NRDE2: variants seen among roughly 807,000 people sequenced by gnomAD.
The protein encoded by NRDE2 is NRDE-2, necessary for RNA interference, domain containing, also known as nuclear exosome regulator NRDE2.
In NRDE2, 76 loss-of-function variants were observed where a neutral mutation model predicts 124.2. The ratio of observed to expected loss-of-function variants is 0.61; its 90% CI spans 0.51 to 0.74. The LOEUF (loss-of-function observed/expected upper bound fraction) is 0.74. NRDE2 is among the 30% of genes least tolerant of loss of function. The probability of loss-of-function intolerance (pLI) is 0.00; values close to 1 mark genes in which losing one functional copy is unlikely to be tolerated. For synonymous variants in NRDE2, 489 were observed against 528.1 expected, an observed-to-expected ratio of 0.93 and a Z score of 1.01; for missense variants, 1,314 against 1,417.3, an observed-to-expected ratio of 0.93 and a Z score of 1.17.
rs931810465 is a variant in NRDE2, at chr14:90,329,974, T to A, written c.64+1867A>T. Among the ~76,000 whole-genome samples the A allele has an allele frequency of 3.9e-4, 59 of 151,270 alleles. No homozygotes were observed. The East Asian group carries it at 5.1e-3, about 13-fold the overall frequency. ...GTAATCCCAGCACTTTGGGAGGCTATGGTGGGCGAATCACTTAAAGTTAGG... is the reference window on the plus strand; with the variant it reads ...GTAATCCCAGCACTTTGGGAGGCTAAGGTGGGCGAATCACTTAAAGTTAGG... On this transcript the variant is annotated intron_variant, in intron 1 of 13. Transcript: ENST00000354366.
rs1456712377 is a variant in NRDE2 at position 90,302,909 on chromosome 14, T to C, written c.1222A>G (p.Ile408Val). The change falls in exon 6 of 14, where the codon ATA (isoleucine) becomes GTA (valine). Residue 408 changes from isoleucine to valine, a missense_variant. Physicochemically the swap from Ile to Val is conservative, Grantham distance 29. Coordinates refer to ENST00000354366, the MANE Select transcript of NRDE2 (RefSeq NM_017970.4). ...STLVKEWQKL[I>V]FLHPNNTALW... ...GCTGTATTATTGGGATGCAAAAATA[T>C]CAGTTTCTGCCACTCTTTGACCAGA... is the stretch of plus-strand genomic sequence containing the variant. The C allele has an allele frequency of 1.2e-5, 19 of 1,613,960 alleles. No individual in the cohort carries two copies. The highest frequency in any genetic ancestry group is 1.6e-5 in the Non-Finnish European group (19 of 1,180,032).
rs371125912 is a variant in NRDE2, at chr14:90,316,562, G to C, written c.407+16C>G. The C allele has an allele frequency of 7.7e-6, 12 of 1,565,648 alleles. No homozygotes were observed. Among genetic ancestry groups the C allele is most frequent in the Non-Finnish European group, 8.7e-6 (10 of 1,144,990 alleles). On this transcript the variant is annotated intron_variant, in intron 3 of 13. Coordinates refer to ENST00000354366, the MANE Select transcript of NRDE2 (RefSeq NM_017970.4). ...AAGACTTAAAATATCATAGGTGCTT[G>C]AGAACAGCAACCTACTTCGGTTCCT... is the stretch of plus-strand genomic sequence containing the variant.
chr14:90,277,974 G>A lies in NRDE2; in HGVS notation c.*362C>T, dbSNP rs1005576470. 1.1e-5 allele frequency: 2 copies of A among 181,230 alleles called. No individual in the cohort carries two copies. The highest frequency in any genetic ancestry group is 5.5e-5 in the Admixed American group (1 of 18,024). 11.2% of individuals were successfully genotyped at this position (181,230 alleles called of 1,614,324 possible). On this transcript the variant is annotated 3_prime_UTR_variant, in exon 14 of 14. Transcript: ENST00000354366. ...AGAGAGGGCCTGGCAGGACCACCAC[G>A]ACACCAGCGGAGGGAACACATTCAC...
rs147078798 is a variant in NRDE2 at position 90,312,454 on chromosome 14, T to C, written c.497A>G (p.Asp166Gly). The change falls in exon 4 of 14, where the codon GAT (aspartate) becomes GGT (glycine). Residue 166 changes from aspartate to glycine, a missense_variant. Coordinates refer to ENST00000354366, the MANE Select transcript of NRDE2 (RefSeq NM_017970.4). ...CCAGTTCGCAGGATCTGGTTTCTTA[T>C]CTGTTCTGAAGGTTTCTCCCGTCAC... ...QAVTGETFRT[D>G]KKPDPANWEY... 5 of 1,614,156 alleles carry C rather than the reference T, an allele frequency of 3.1e-6. No homozygotes were observed. Among genetic ancestry groups the C allele is most frequent in the South Asian group, 2.2e-5 (2 of 91,076 alleles).
Position 90,303,982 on chromosome 14 carries a change from C to T in NRDE2, c.958G>A (p.Glu320Lys). The T allele has an allele frequency of 1.2e-6, 2 of 1,613,848 alleles. No individual in the cohort carries two copies. Among genetic ancestry groups the T allele is most frequent in the South Asian group, 2.2e-5 (2 of 91,062 alleles). Residue 320 changes from glutamate to lysine, a missense_variant, in exon 5 of 14, where the codon GAG (glutamate) becomes AAG (lysine). Coordinates refer to ENST00000354366, the MANE Select transcript of NRDE2 (RefSeq NM_017970.4). The part of the protein sequence containing the change: ...KVEEFNRRVR[E>K]NPRDTQLWMA... ...CACAGCTGCGTATCCCGAGGATTCT[C>T]CCGCACCCTCCTGTTAAACTCCTCC...
intron 12 of NRDE2, among the ~76,000 whole-genome samples, chr14:90,281,890 CAG>C (rs1891964150): frequency 6.6e-6 from 1 of 152,184 alleles, no homozygotes; most frequent in South Asian, 2.1e-4. Flanking sequence ...TGATAGAACT[CAG>C]GGGGATTCTT....
At chr14:90,292,601 T>A in intron 9 of NRDE2, 96 bp downstream of exon 9, 7 of 1,358,418 alleles carry the variant, frequency 5.2e-6, no homozygotes, top group Non-Finnish European at 7.1e-6. Flanking sequence ...CTAAGAGAGC[T>A]CCAGCGGCCT....
At chr14:90,286,246 C>T in intron 12 of NRDE2, 108 bp downstream of exon 12, 1 of 1,288,028 alleles carries the variant, frequency 7.8e-7, no homozygotes, top group Non-Finnish European at 1.1e-6. Context: ...AATATGGCCT[C>T]CCAGCTCTCC....
intron 12 of NRDE2, chr14:90,279,486 A>G (rs1891895668): frequency 9.9e-6 from 2 of 202,092 alleles, no homozygotes; most frequent in Admixed American, 6.0e-5. Flanking sequence ...GGCTGAAGAC[A>G]TTATACAAAT....
intron 1 of NRDE2, among the ~76,000 whole-genome samples, chr14:90,329,484 G>C (rs1885581264): frequency 6.6e-6 from 1 of 151,964 alleles, no homozygotes; most frequent in Non-Finnish European, 1.5e-5. Flanking sequence ...AGGATCACTT[G>C]AGCCCAGCAG....
At chr14:90,290,197 A>G (rs1892232405) in intron 10 of NRDE2, 24 bp downstream of exon 10, 3 of 1,603,192 alleles carry the variant, frequency 1.9e-6, no homozygotes, top group East Asian at 4.5e-5. Flanking sequence ...GTCCCCAAAC[A>G]TGGGAGGACG....
rs59264953 is a variant in NRDE2, at chr14:90,321,586, G to A, written c.65-3473C>T. On this transcript the variant is annotated intron_variant, in intron 1 of 13. Transcript: ENST00000354366. ...AAAAAAAAGAAAAGAAAAAAAGAAA[G>A]AAAGCTCTTGGGTTTTGAACATGAA... Among the ~76,000 whole-genome samples, 1,190 of 144,272 alleles carry A rather than the reference G, an allele frequency of 8.2e-3. 11 individuals carry two copies. Among genetic ancestry groups the A allele is most frequent in the African/African-American group, 0.028 (1,106 of 39,304 alleles). The allele number at this position is 144,272 out of a possible 152,430, so 94.6% of individuals were successfully genotyped here.
In NRDE2 at chr14:90,270,150, G is replaced by A; in HGVS notation, c.*8186C>T. ...GCTGAGGCCTCTGAGCCATGGCCGAGCCTGGGTTTGGATGTTGGTGTGACT... is the reference window on the plus strand; with the variant it reads ...GCTGAGGCCTCTGAGCCATGGCCGAACCTGGGTTTGGATGTTGGTGTGACT... On this transcript the variant is annotated 3_prime_UTR_variant, in exon 14 of 14. Coordinates refer to ENST00000354366, the MANE Select transcript of NRDE2 (RefSeq NM_017970.4). 3 of 1,597,576 alleles carry A rather than the reference G, an allele frequency of 1.9e-6. 1 individual carries two copies. The highest frequency in any genetic ancestry group is 1.3e-5 in the African/African-American group (1 of 74,844).
chr14:90,330,511 C>T (rs2139723887), intron 1 of NRDE2, among the ~76,000 whole-genome samples: 1 of 152,280 alleles, frequency 6.6e-6, no homozygotes, highest in East Asian at 1.9e-4. Flanking sequence ...CAAGAAATTA[C>T]TCACAATTAT....
chr14:90,298,430 G>A, intron 7 of NRDE2, 50 bp from the exon 8 acceptor site: 1 of 1,603,692 alleles, frequency 6.2e-7, no homozygotes, highest in Non-Finnish European at 8.5e-7. Context: ...TAAAACTGCT[G>A]AGTCAGTGGG....
At position 90,277,790 on chromosome 14, in the gene NRDE2, C is replaced by G. The variant is rs748306446; in HGVS notation, c.*546G>C. ...GGCACGCTGCCCCTCCAGCTCCAGG[C>G]GGAGGCATCGCCGCCGAGGTAAACT... is the stretch of plus-strand genomic sequence containing the variant. On this transcript the variant is annotated 3_prime_UTR_variant, in exon 14 of 14. Coordinates refer to ENST00000354366, the MANE Select transcript of NRDE2 (RefSeq NM_017970.4). 1.3e-5 allele frequency: 2 copies of G among 152,548 alleles called. No homozygotes were observed. Among genetic ancestry groups the G allele is most frequent in the East Asian group, 3.8e-4 (2 of 5,204 alleles). The allele number at this position is 152,548 out of a possible 1,614,324, so 9.4% of individuals were successfully genotyped here.
chr14:90,288,438 C>A lies in NRDE2; in HGVS notation c.2937G>T (p.Pro979=). The A allele has an allele frequency of 3.7e-6, 6 of 1,614,134 alleles. No individual in the cohort carries two copies. The highest frequency in any genetic ancestry group is 5.1e-6 in the Non-Finnish European group (6 of 1,180,036). Residue 979 remains proline (P), a synonymous_variant, in exon 11 of 14, where the codon CCG becomes CCT. Transcript: ENST00000354366. ...AGAGTGCCTCTCGCAGAGGGGCCAG[C>A]GGGTAAACACTCACTTTCATGTGGA... ...LRFHMKVSVY[P]LAPLREALSQ... is the part of the protein sequence containing the mutation.
In NRDE2 at chr14:90,268,553, C is replaced by T. The variant is rs368389491; in HGVS notation, c.*9783G>A. 112 of 779,202 alleles carry T rather than the reference C, an allele frequency of 1.4e-4. 1 individual carries two copies. The South Asian group carries it at 1.9e-3, about 13-fold the overall frequency. 48.3% of individuals were successfully genotyped at this position (779,202 alleles called of 1,614,324 possible). A position where few individuals can be genotyped will look rare whatever the true frequency, so the allele number is the denominator to read the frequency against. The stretch of plus-strand genomic sequence containing the variant: ...TGGCCTTCCATGCATGCTTTAGGCT[C>T]TGCTCTCCCAGGAGCCAGCTAACAA... On this transcript the variant is annotated 3_prime_UTR_variant, in exon 14 of 14. Transcript: ENST00000354366.
Position 90,272,356 on chromosome 14 carries a change from A to G in NRDE2, c.*5980T>C. 2 of 1,601,100 alleles carry G rather than the reference A, an allele frequency of 1.2e-6. No individual in the cohort carries two copies. Among genetic ancestry groups the G allele is most frequent in the Non-Finnish European group, 8.5e-7 (1 of 1,175,384 alleles). On this transcript the variant is annotated 3_prime_UTR_variant, in exon 14 of 14. Transcript: ENST00000354366. The surrounding 1 kb of genome is among the most constrained non-coding windows in gnomAD (Gnocchi z 4.5). ...ATGAAGACTTCAAAAAATCTAAAGA[A>G]AATGTTCTTTATAAGAAACAGGAAG...
Sources: gnomAD v4.1 joint callset for allele counts (sites outside exome capture counted in the v4.1 genomes callset) on GRCh38, gnomAD v4.1.1 for gene constraint, Gnocchi (gnomAD v3.1) non-coding constraint, MANE v1.5 for transcripts, NCBI Gene and HGNC (gene_info 2026-07-23, HGNC 2026-07-21) for gene names.